CCDC32: variants seen among roughly 807,000 people sequenced by gnomAD.
CCDC32 encodes the protein coiled-coil domain containing 32.
CCDC32 carries 9 observed loss-of-function variants against 20.1 expected under a neutral mutation model. The ratio of observed to expected loss-of-function variants is 0.45; its 90% confidence interval spans 0.27 to 0.78. The LOEUF is 0.78. CCDC32 is among the 30% of genes least tolerant of loss of function. The pLI, the probability that CCDC32 is intolerant of heterozygous loss-of-function variation, is 0.16. For synonymous variants in CCDC32, 63 were observed against 79.0 expected (o/e 0.80, Z 1.07); for missense variants, 204 against 215.5 (o/e 0.95, Z 0.33).
chr15:40,524,739 CTTTTTTTTT>C (rs758786719), downstream of CCDC32, among the ~76,000 whole-genome samples: 7 of 95,244 alleles, frequency 7.3e-5, no homozygotes, highest in African/African-American at 1.7e-4. Context: ...CTTTTTCTTT[CTTTTTTTTT>C]TTTTTTTTTT....
chr15:40,555,275 C>A (rs1482986803), intron 3 of CCDC32, among the ~76,000 whole-genome samples: 1 of 152,216 alleles, frequency 6.6e-6, no homozygotes, highest in Non-Finnish European at 1.5e-5. Flanking sequence ...TCATTTACCA[C>A]ACTTTTCATC....
chr15:40,542,903 A>G (rs1889458050), intron 3 of CCDC32, among the ~76,000 whole-genome samples: 1 of 151,732 alleles, frequency 6.6e-6, no homozygotes, highest in South Asian at 2.1e-4. Context: ...CATGCCTATA[A>G]TCCCAACACT....
intron 3 of CCDC32, chr15:40,529,711 G>C (rs1267953335): frequency 2.0e-5 from 3 of 148,972 alleles, no homozygotes; most frequent in Non-Finnish European, 4.4e-5. Context: ...GCCCAGGCTG[G>C]AGTGCAGTGG....
chr15:40,549,756 C>T (rs1352582456), downstream of CCDC32, among the ~76,000 whole-genome samples: 1 of 152,242 alleles, frequency 6.6e-6, no homozygotes, highest in East Asian at 1.9e-4. Flanking sequence ...CCTAACATCC[C>T]AATGGCAGTA....
the CCDC32 span, among the ~76,000 whole-genome samples, chr15:40,523,487 A>G: frequency 1.3e-5 from 2 of 149,290 alleles, no homozygotes; most frequent in African/African-American, 4.9e-5. Context: ...CTGGGCAACA[A>G]GAGCGAAACT....
At chr15:40,521,101 C>T in the CCDC32 span, among the ~76,000 whole-genome samples, 1 of 152,016 alleles carries the variant, frequency 6.6e-6, no homozygotes, top group Non-Finnish European at 1.5e-5. Context: ...AGGAGGAAAA[C>T]GGGTTGGTCT....
chr15:40,548,695 C>T (rs548012570), downstream of CCDC32, among the ~76,000 whole-genome samples: 2 of 152,028 alleles, frequency 1.3e-5, no homozygotes, highest in East Asian at 1.9e-4. Context: ...TCTCTGTGGC[C>T]GACTTCTTAC....
intron 3 of CCDC32, among the ~76,000 whole-genome samples, chr15:40,542,227 A>G (rs1444483926): frequency 6.6e-6 from 1 of 152,210 alleles, no homozygotes; most frequent in Non-Finnish European, 1.5e-5. Flanking sequence ...TTAACACTGA[A>G]TGGTAATTGG....
chr15:40,541,083 A>T (rs1889370642), intron 3 of CCDC32, among the ~76,000 whole-genome samples: 1 of 152,184 alleles, frequency 6.6e-6, no homozygotes, highest in Non-Finnish European at 1.5e-5. Context: ...CCAGATGCTC[A>T]CGCGCTGCCT....
chr15:40,561,356 C>T (rs574269274), intron 2 of CCDC32, among the ~76,000 whole-genome samples: 1 of 152,068 alleles, frequency 6.6e-6, no homozygotes, highest in South Asian at 2.1e-4. Flanking sequence ...GACTGTAATC[C>T]CAGCTACTCA....
chr15:40,564,777 G>C (rs747348435), intron 1 of CCDC32, 199 bp downstream of exon 1: 11 of 1,614,026 alleles, frequency 6.8e-6, no homozygotes, highest in East Asian at 2.2e-5. Flanking sequence ...CCAGAGCCCC[G>C]CATGGCCCCT....
chr15:40,547,734 AAAG>A (rs755149394), intron 3 of CCDC32, among the ~76,000 whole-genome samples: 1 of 152,202 alleles, frequency 6.6e-6, no homozygotes, highest in Non-Finnish European at 1.5e-5. Context: ...GCTTTTGCTT[AAAG>A]GAGAGGATTG....
chr15:40,532,411 A>G (rs1888910953), downstream of CCDC32: 1 of 664,290 alleles, frequency 1.5e-6, no homozygotes, highest in Admixed American at 2.2e-5. Flanking sequence ...TACTGCTGCT[A>G]CTGCCATGTA....
At chr15:40,525,839 T>C (rs1299712984), downstream of CCDC32, among the ~76,000 whole-genome samples, 2 of 152,234 alleles carry the variant, frequency 1.3e-5, no homozygotes, top group Non-Finnish European at 2.9e-5. Context: ...CCACCCATAA[T>C]GTCTGGTCCA....
chr15:40,562,964 G>C lies in CCDC32; in HGVS notation c.52C>G (p.Leu18Val), dbSNP rs762359213. The C allele has an allele frequency of 2.5e-6, 4 of 1,614,202 alleles. No homozygotes were observed. Among genetic ancestry groups the C allele is most frequent in the Non-Finnish European group, 3.4e-6 (4 of 1,180,034 alleles). The change falls in exon 2 of 4, where the codon CTC (leucine) becomes GTC (valine). Residue 18 changes from leucine (L) to valine (V), a missense_variant. By Grantham distance (32) the Leu-to-Val change is conservative. Coordinates refer to ENST00000416810, the MANE Select transcript of CCDC32 (RefSeq NM_001080792.4). Reference protein sequence around the residue: ...DSTATRSGQDLWAEICSCLPN... With the variant: ...DSTATRSGQDVWAEICSCLPN... ...AGACAGGAACAAATTTCAGCCCAGAGATCCTGGCCAGATCTTGTGGCTGTA... is the reference window on the plus strand; with the variant it reads ...AGACAGGAACAAATTTCAGCCCAGACATCCTGGCCAGATCTTGTGGCTGTA...
At chr15:40,528,398 A>G (rs1894926518), downstream of CCDC32, among the ~76,000 whole-genome samples, 1 of 152,346 alleles carries the variant, frequency 6.6e-6, no homozygotes, top group South Asian at 2.1e-4. Flanking sequence ...CAAGGCCATC[A>G]TTAACCCTGG....
chr15:40,553,464 G>A lies in CCDC32; in HGVS notation c.*507C>T, dbSNP rs1364223911. On this transcript the variant is annotated 3_prime_UTR_variant, in exon 4 of 4. Coordinates refer to ENST00000416810, the MANE Select transcript of CCDC32 (RefSeq NM_001080792.4). ...CAGATTTGTTAGAGAAGCCCCAGAT[G>A]GGGCTTGGATTCAAGGAGCAGACTT... The A allele has an allele frequency of 1.5e-5, 15 of 985,950 alleles. No homozygotes were observed. The African/African-American group carries it at 2.4e-4, about 16-fold the overall frequency. 61.1% of individuals were successfully genotyped at this position (985,950 alleles called of 1,614,324 possible). A position where few individuals can be genotyped will look rare whatever the true frequency, so the allele number is the denominator to read the frequency against.
chr15:40,546,944 A>C (rs2412533), intron 3 of CCDC32, among the ~76,000 whole-genome samples: 132,222 of 152,066 alleles, frequency 0.87, 58,048 homozygotes, highest in Non-Finnish European at 0.93. Flanking sequence ...CTCAGGTGAT[A>C]CACCTGTCTC....
chr15:40,565,000 T>C lies in CCDC32; in HGVS notation c.-37A>G, dbSNP rs1890927542. 3 of 596,752 alleles carry C rather than the reference T, an allele frequency of 5.0e-6. No individual in the cohort carries two copies. In the South Asian group the frequency reaches 6.2e-5, roughly 12 times the overall value. 37.0% of individuals were successfully genotyped at this position (596,752 alleles called of 1,614,324 possible). On this transcript the variant is annotated 5_prime_UTR_variant, in exon 1 of 4. Transcript: ENST00000416810. ...CCGTAACAGCTGCCCAGTAAACGCTTGGCTCAGCTCTGTCGCCTGTAGCCC... is the reference window on the plus strand; with the variant it reads ...CCGTAACAGCTGCCCAGTAAACGCTCGGCTCAGCTCTGTCGCCTGTAGCCC...
Sources: gnomAD v4.1 joint callset for allele counts (sites outside exome capture counted in the v4.1 genomes callset) on GRCh38, gnomAD v4.1.1 for gene constraint, MANE v1.5 for transcripts, NCBI Gene and HGNC (gene_info 2026-07-23, HGNC 2026-07-21) for gene names.